The following LONP2 variants were observed in gnomAD, a reference collection of about 807,000 sequenced individuals.
The protein encoded by LONP2 is lon peptidase 2, peroxisomal.
In LONP2, 60 loss-of-function variants were observed where a neutral mutation model predicts 85.6. That is an observed-to-expected ratio of 0.70 (90% CI 0.57 to 0.87). The LOEUF is 0.87. Ranked by LOEUF, LONP2 falls within the 40% of genes least tolerant of loss-of-function variation. The pLI is 0.00. For missense variants in LONP2, 860 were observed against 1,063.5 expected (o/e 0.81, Z 2.66); for synonymous variants, 395 against 389.7 (o/e 1.01, Z -0.16).
intron 12 of LONP2, among the ~76,000 whole-genome samples, 195 bp from the exon 13 acceptor site, chr16:48,347,312 G>T (rs1198265749): frequency 6.6e-6 from 1 of 152,208 alleles, no homozygotes. Flanking sequence ...TGTCAAAGAG[G>T]AAGTTTAGGT....
chr16:48,285,312 T>C, intron 8 of LONP2, among the ~76,000 whole-genome samples: 1 of 152,214 alleles, frequency 6.6e-6, no homozygotes, highest in African/African-American at 2.4e-5. Context: ...TGACTGTGTT[T>C]ATGTGTGATC....
chr16:48,355,511 C>T lies in LONP2; in HGVS notation c.*3709C>T, dbSNP rs1488284773. On this transcript the variant is annotated 3_prime_UTR_variant, in exon 15 of 15. Coordinates refer to ENST00000285737, the MANE Select transcript of LONP2 (RefSeq NM_031490.5). ...AATTCGTACTTTTAAATTACCCAGT[C>T]TCAGGTATTCTGTTACGGTTAACAC... 6.6e-6 allele frequency: 1 copy of T among 152,188 alleles called. No individual in the cohort carries two copies. Among genetic ancestry groups the T allele is most frequent in the Non-Finnish European group, 1.5e-5 (1 of 68,040 alleles). The allele number at this position is 152,188 out of a possible 1,614,324, so 9.4% of individuals were successfully genotyped here.
In LONP2 at chr16:48,348,105, G is replaced by A; in HGVS notation, c.2152G>A (p.Gly718Arg). 6.3e-7 allele frequency: 1 copy of A among 1,595,506 alleles called. No individual in the cohort carries two copies. Among genetic ancestry groups the A allele is most frequent in the Non-Finnish European group, 8.5e-7 (1 of 1,175,386 alleles). ...AKKYQLTNAF[G>R]SFDLLDNTDI... Reference sequence around the variant, plus strand: ...TCCCTTTTTCCTTTTTAAAGCTTTTGGAAGTTTTGATCTTCTTGACAACAC... The same window carrying A: ...TCCCTTTTTCCTTTTTAAAGCTTTTAGAAGTTTTGATCTTCTTGACAACAC... The change falls in exon 14 of 15, where the codon GGA becomes AGA. Residue 718 changes from glycine to arginine, a missense_variant. By Grantham distance (125) the Gly-to-Arg change is moderately radical. Around this residue, in one of 3 missense-constraint regions of LONP2, gnomAD observed 743 missense variants for 917.3 expected, o/e 0.81. Coordinates refer to ENST00000285737, the MANE Select transcript of LONP2 (RefSeq NM_031490.5).
intron 14 of LONP2, among the ~76,000 whole-genome samples, chr16:48,350,083 T>A (rs894853350): frequency 2.6e-5 from 4 of 152,080 alleles, no homozygotes; most frequent in Non-Finnish European, 4.4e-5. Context: ...TCTACAAAAA[T>A]TGTTTTAAAA....
intron 13 of LONP2, 142 bp downstream of exon 13, chr16:48,347,856 C>A: frequency 2.4e-6 from 2 of 834,392 alleles, no homozygotes; most frequent in Non-Finnish European, 3.7e-6. Flanking sequence ...TCCTAGTTCC[C>A]ATTTCAGGAC....
intron 1 of LONP2, 23 bp downstream of exon 1, chr16:48,244,644 C>CGGCGGCG (rs1971242783): frequency 7.5e-7 from 1 of 1,327,740 alleles, no homozygotes; most frequent in Non-Finnish European, 9.6e-7. Flanking sequence ...GCCCCCGCGG[C>CGGCGGCG]GGCGGCGGGC....
chr16:48,303,375 G>A, intron 11 of LONP2, 70 bp downstream of exon 11: 1 of 1,582,360 alleles, frequency 6.3e-7, no homozygotes, highest in Non-Finnish European at 8.7e-7. Context: ...GGTTGGGTAT[G>A]GAGGGGAAGG....
chr16:48,350,116 T>C (rs1390460554), intron 14 of LONP2, among the ~76,000 whole-genome samples: 1 of 152,218 alleles, frequency 6.6e-6, no homozygotes, highest in Non-Finnish European at 1.5e-5. Flanking sequence ...CTGGGTGTGG[T>C]GGCTCACGCC....
At chr16:48,264,335 AC>A (rs1971943726) in intron 6 of LONP2, among the ~76,000 whole-genome samples, 2 of 152,100 alleles carry the variant, frequency 1.3e-5, no homozygotes, top group African/African-American at 2.4e-5. Flanking sequence ...TCAGAGACCT[AC>A]CCCTAGGTGC....
At chr16:48,275,676 C>T (rs183541486) in intron 7 of LONP2, among the ~76,000 whole-genome samples, 8 of 152,030 alleles carry the variant, frequency 5.3e-5, no homozygotes, top group Admixed American at 2.0e-4. Flanking sequence ...TTTTAAGGGG[C>T]GTAATAGTAT....
intron 11 of LONP2, among the ~76,000 whole-genome samples, chr16:48,309,455 G>A (rs1200228735): frequency 2.0e-5 from 3 of 152,174 alleles, no homozygotes; most frequent in African/African-American, 7.2e-5. Context: ...CAATAACTCA[G>A]AAATTCAAAT....
chr16:48,298,152 G>A (rs1972715367), intron 9 of LONP2, among the ~76,000 whole-genome samples: 1 of 152,218 alleles, frequency 6.6e-6, no homozygotes. Flanking sequence ...CAGGACAGCT[G>A]CTGCAGAGGG....
chr16:48,292,926 T>C (rs561003910), intron 8 of LONP2, among the ~76,000 whole-genome samples: 12 of 152,324 alleles, frequency 7.9e-5, no homozygotes, highest in African/African-American at 2.9e-4. Flanking sequence ...ATCACTAATT[T>C]TTTCTCCTTA....
In LONP2 at chr16:48,347,488, T is replaced by A. The variant is rs929696577; in HGVS notation, c.1939-19T>A. Reference sequence around the variant, plus strand: ...TTAGCATTTGCCAACCCAACTCTGATCATTCTTCTTCTTTCAAGGTATCTC... The same window carrying A: ...TTAGCATTTGCCAACCCAACTCTGAACATTCTTCTTCTTTCAAGGTATCTC... On this transcript the variant is annotated intron_variant, in intron 12 of 14. Coordinates refer to ENST00000285737, the MANE Select transcript of LONP2 (RefSeq NM_031490.5). 1 of 1,613,944 alleles carries A rather than the reference T, an allele frequency of 6.2e-7. No homozygotes were observed. Among genetic ancestry groups the A allele is most frequent in the Non-Finnish European group, 8.5e-7 (1 of 1,179,776 alleles).
In LONP2 at chr16:48,256,705, A is replaced by G. The variant is rs1325377595; in HGVS notation, c.564A>G (p.Thr188=). 4 of 1,614,024 alleles carry G rather than the reference A, an allele frequency of 2.5e-6. No homozygotes were observed. Among genetic ancestry groups the G allele is most frequent in the Middle Eastern group, 1.7e-4 (1 of 6,058 alleles). The change falls in exon 3 of 15, where the codon ACA becomes ACG. Residue 188 remains threonine, a synonymous_variant. Transcript: ENST00000285737. ...LPREALPDIL[T]SIIRTSNKEK... ...GGGAAGCTTTACCAGACATCTTGAC[A>G]TCAATTATCCGAACAAGCAACAAAG...
downstream of LONP2, chr16:48,360,852 CT>C (rs1233544832): frequency 1.3e-5 from 2 of 152,230 alleles, no homozygotes; most frequent in Admixed American, 6.5e-5. Flanking sequence ...CTTTAAATAG[CT>C]TTTGATTATT....
chr16:48,303,455 A>C, intron 11 of LONP2, 150 bp downstream of exon 11: 1 of 820,488 alleles, frequency 1.2e-6, no homozygotes, highest in Non-Finnish European at 2.0e-6. Flanking sequence ...GTAATACCTT[A>C]ATGTTTCAAC....
chr16:48,250,061 G>A (rs888095037), intron 1 of LONP2, among the ~76,000 whole-genome samples: 1 of 151,884 alleles, frequency 6.6e-6, no homozygotes, highest in Non-Finnish European at 1.5e-5. Flanking sequence ...GCGTGGTGGT[G>A]TGTGCCTGTA....
chr16:48,319,051 A>T (rs932178507), intron 11 of LONP2, among the ~76,000 whole-genome samples: 2 of 149,836 alleles, frequency 1.3e-5, no homozygotes, highest in African/African-American at 5.0e-5. Flanking sequence ...GAGTGCATTT[A>T]TGTTAACAGA....
Sources: gnomAD v4.1 joint callset for allele counts (sites outside exome capture counted in the v4.1 genomes callset) on GRCh38, gnomAD v4.1.1 for gene constraint, gnomAD v4.1.1 regional missense constraint, MANE v1.5 for transcripts, NCBI Gene and HGNC (gene_info 2026-07-23, HGNC 2026-07-21) for gene names.